Variants in WIPI2 observed in about 807,000 individuals in gnomAD.
The protein encoded by WIPI2 is WD repeat domain, phosphoinositide interacting 2.
In WIPI2, 28 loss-of-function variants were observed where a neutral mutation model predicts 52.3. The ratio of observed to expected loss-of-function variants is 0.54; its 90% CI spans 0.40 to 0.73. The LOEUF is 0.73. Among genes scored for constraint, WIPI2 ranks in the 30% least tolerant of loss-of-function variants. WIPI2 has a pLI of 0.00. For missense variants in WIPI2, 506 were observed against 602.9 expected (o/e 0.84, Z 1.68); for synonymous variants, 268 against 245.0 (o/e 1.09, Z -0.88).
chr7:5,223,479 T>C (rs995884629), intron 8 of WIPI2, among the ~76,000 whole-genome samples: 1 of 152,044 alleles, frequency 6.6e-6, no homozygotes, highest in Non-Finnish European at 1.5e-5. Context: ...ACGTCACCGC[T>C]CCTCCAGCTC....
rs1562400749 is a variant in WIPI2, at chr7:5,218,001, C to T, written c.656C>T (p.Thr219Met). The stretch of plus-strand genomic sequence containing the variant: ...GACGCAAGTGGAACTAAACTTGCCA[C>T]GGCTTCGGAGAAGGTGAGTCTGCTT... ...AFDASGTKLA[T>M]ASEKGTVIRV... The change falls in exon 7 of 13, where the codon ACG becomes ATG. Residue 219 changes from threonine (T) to methionine (M), a missense_variant. Around this residue, in one of 4 missense-constraint regions of WIPI2, gnomAD observed 237 missense variants for 346.9 expected, o/e 0.68. Coordinates refer to ENST00000288828, the MANE Select transcript of WIPI2 (RefSeq NM_015610.4). 2.5e-6 allele frequency: 4 copies of T among 1,614,170 alleles called. No individual in the cohort carries two copies. Among genetic ancestry groups the T allele is most frequent in the Non-Finnish European group, 3.4e-6 (4 of 1,180,014 alleles).
intron 4 of WIPI2, 37 bp downstream of exon 4, chr7:5,214,741 T>C (rs1402187653): frequency 1.2e-6 from 2 of 1,608,910 alleles, no homozygotes; most frequent in Non-Finnish European, 1.7e-6. Context: ...GCTTGTCTGT[T>C]GCTCCCTCCA....
chr7:5,230,104 C>A lies in WIPI2; in HGVS notation c.1252+366C>A, dbSNP rs1456970501. On this transcript the variant is annotated intron_variant, in intron 12 of 12. Transcript: ENST00000288828. This position sits in a 1 kb window ranked among gnomAD's most constrained non-coding sequence, Gnocchi z 4.8. The stretch of plus-strand genomic sequence containing the variant: ...CTCCGTTTTTAAAGAAAATGTCATC[C>A]TGGCTCAGGTGACTCTGGGGTCACG... 1.3e-5 allele frequency among the ~76,000 whole-genome samples: 2 copies of A among 152,090 alleles called. No homozygotes were observed. The highest frequency in any genetic ancestry group is 4.8e-5 in the African/African-American group (2 of 41,428).
At chr7:5,220,757 T>G (rs1049607400) in intron 7 of WIPI2, among the ~76,000 whole-genome samples, 4 of 152,052 alleles carry the variant, frequency 2.6e-5, no homozygotes, top group African/African-American at 7.2e-5. Context: ...ATTACAGGCA[T>G]GAGTTACTGC....
chr7:5,222,001 G>A (rs1404591789), intron 7 of WIPI2, among the ~76,000 whole-genome samples: 1 of 149,288 alleles, frequency 6.7e-6, no homozygotes, highest in East Asian at 2.0e-4. Context: ...CAGAGCTGGA[G>A]TGCAGTGGTG....
chr7:5,190,972 ATTTTC>A (rs2115183939), intron 1 of WIPI2: 1 of 154,486 alleles, frequency 6.5e-6, no homozygotes, highest in South Asian at 2.1e-4. Flanking sequence ...CTCTCTCTTG[ATTTTC>A]TTTTCTTCGT....
chr7:5,226,904 A>T (rs531909708), intron 9 of WIPI2: 10 of 445,984 alleles, frequency 2.2e-5, no homozygotes, highest in Admixed American at 1.9e-4. Flanking sequence ...ACACCCTTGC[A>T]AAGGGGATGT....
At chr7:5,201,212 G>A (rs1245976753) in intron 3 of WIPI2, among the ~76,000 whole-genome samples, 4 of 152,252 alleles carry the variant, frequency 2.6e-5, no homozygotes, top group Non-Finnish European at 5.9e-5. Context: ...ACTCAGTCCA[G>A]ATCCAGATGA....
At chr7:5,203,990 G>A (rs956477252) in intron 3 of WIPI2, among the ~76,000 whole-genome samples, 1 of 152,316 alleles carries the variant, frequency 6.6e-6, no homozygotes, top group East Asian at 1.9e-4. Context: ...GTGCCATCTT[G>A]AGTCAATACA....
At chr7:5,201,002 C>T (rs561431115) in intron 3 of WIPI2, among the ~76,000 whole-genome samples, 2 of 152,314 alleles carry the variant, frequency 1.3e-5, no homozygotes, top group Admixed American at 6.5e-5. Context: ...CCAAAAAAGC[C>T]TTTCTTCTGC....
intron 3 of WIPI2, among the ~76,000 whole-genome samples, chr7:5,201,219 A>G (rs950067988): frequency 1.4e-4 from 21 of 152,202 alleles, no homozygotes; most frequent in African/African-American, 4.1e-4. Context: ...CCAGATCCAG[A>G]TGAAGCGCCT....
chr7:5,210,387 G>A (rs1782496765), intron 3 of WIPI2, among the ~76,000 whole-genome samples: 1 of 152,216 alleles, frequency 6.6e-6, no homozygotes, highest in Non-Finnish European at 1.5e-5. Context: ...GCAGTGCTGG[G>A]CACAGTTACC....
At chr7:5,213,831 G>T (rs370254462) in intron 3 of WIPI2, among the ~76,000 whole-genome samples, 1 of 152,198 alleles carries the variant, frequency 6.6e-6, no homozygotes, top group Non-Finnish European at 1.5e-5. Flanking sequence ...GACTACAGGC[G>T]CCCGCCACCA....
chr7:5,191,245 T>C (rs1781469511), intron 1 of WIPI2, among the ~76,000 whole-genome samples: 1 of 152,028 alleles, frequency 6.6e-6, no homozygotes, highest in African/African-American at 2.4e-5. Flanking sequence ...TGGTCTCAAA[T>C]TCCTGACCTC....
intron 3 of WIPI2, chr7:5,214,250 T>TA: frequency 7.3e-7 from 1 of 1,368,914 alleles, no homozygotes; most frequent in South Asian, 1.5e-5. Flanking sequence ...GTTCCTAAAC[T>TA]CACCATTCAA....
At position 5,230,555 on chromosome 7, in the gene WIPI2, C is replaced by T. The variant is rs906923025; in HGVS notation, c.1253-280C>T. On this transcript the variant is annotated intron_variant, in intron 12 of 12. Transcript: ENST00000288828. This position sits in a 1 kb window ranked among gnomAD's most constrained non-coding sequence, Gnocchi z 4.8. ...CCTGGTGTTATTTTTGAGCTCTTAACCAGCTTGAGAGAGTTTGTGGCCCGT... is the reference window on the plus strand; with the variant it reads ...CCTGGTGTTATTTTTGAGCTCTTAATCAGCTTGAGAGAGTTTGTGGCCCGT... Among the ~76,000 whole-genome samples, 4 of 152,172 alleles carry T rather than the reference C, an allele frequency of 2.6e-5. No homozygotes were observed. Among genetic ancestry groups the T allele is most frequent in the African/African-American group, 4.8e-5 (2 of 41,438 alleles).
intron 2 of WIPI2, among the ~76,000 whole-genome samples, chr7:5,197,084 C>A (rs1781774757): frequency 7.6e-6 from 1 of 131,538 alleles, no homozygotes; most frequent in Non-Finnish European, 1.5e-5. Context: ...TGCACTCCAG[C>A]CTGCATGACA....
chr7:5,218,142 A>G (rs897446003), intron 7 of WIPI2, 128 bp downstream of exon 7: 31 of 974,096 alleles, frequency 3.2e-5, no homozygotes, highest in Admixed American at 1.0e-4. Context: ...AAAGACAGCC[A>G]CCCACTTGTC....
At chr7:5,200,823 T>A (rs1781989243) in intron 3 of WIPI2, among the ~76,000 whole-genome samples, 1 of 152,176 alleles carries the variant, frequency 6.6e-6, no homozygotes, top group South Asian at 2.1e-4. Context: ...CCCAGCAGTG[T>A]CTTTCCTGTT....
Sources: allele counts gnomAD v4.1 joint callset (sites outside exome capture counted in the v4.1 genomes callset), GRCh38; gene constraint gnomAD v4.1.1; regional missense constraint gnomAD v4.1.1; non-coding constraint Gnocchi (gnomAD v3.1); transcripts MANE v1.5; gene names NCBI Gene and HGNC (gene_info 2026-07-23, HGNC 2026-07-21).